The following MICA variants were observed in gnomAD, a reference collection of about 807,000 sequenced individuals.
MICA encodes HLA class I antigen.
MICA carries 18 observed loss-of-function variants against 34.3 expected under a neutral mutation model. The ratio of observed to expected loss-of-function variants is 0.52; its 90% CI spans 0.36 to 0.78. MICA has a LOEUF of 0.78. Ranked by LOEUF, MICA falls within the 30% of genes least tolerant of loss-of-function variation. MICA has a pLI of 0.00. For missense variants in MICA, 333 were observed against 409.4 expected, an observed-to-expected ratio of 0.81 and a Z score of 1.61; for synonymous variants, 135 against 156.9, an observed-to-expected ratio of 0.86 and a Z score of 1.04.
At chr6:31,402,905 A>G (rs1306863586), upstream of MICA, among the ~76,000 whole-genome samples, 1 of 151,748 alleles carries the variant, frequency 6.6e-6, no homozygotes, top group Non-Finnish European at 1.5e-5. Context: ...GTGATCACCC[A>G]GGGACTGAAT....
chr6:31,408,466 A>G (rs1770863489), intron 1 of MICA, among the ~76,000 whole-genome samples: 1 of 152,008 alleles, frequency 6.6e-6, no homozygotes, highest in Admixed American at 6.6e-5. Flanking sequence ...ATTATACATT[A>G]CATAAATTTT....
intron 1 of MICA, among the ~76,000 whole-genome samples, chr6:31,406,321 C>A (rs1275304366): frequency 2.0e-5 from 3 of 151,680 alleles, no homozygotes; most frequent in African/African-American, 7.3e-5. Context: ...TGTTGAGCAC[C>A]TTTTCATATA....
chr6:31,413,035 CAG>C (rs1357179154), intron 5 of MICA, among the ~76,000 whole-genome samples: 3 of 151,720 alleles, frequency 2.0e-5, no homozygotes, highest in Non-Finnish European at 4.4e-5. Flanking sequence ...CCCCTTGTAA[CAG>C]GGAGGGTCCT....
At chr6:31,407,005 A>T (rs1242829072) in intron 1 of MICA, among the ~76,000 whole-genome samples, 1 of 151,322 alleles carries the variant, frequency 6.6e-6, no homozygotes, top group Non-Finnish European at 1.5e-5. Flanking sequence ...AGTTTTGTTC[A>T]TTTTGCTCAG....
At position 31,403,741 on chromosome 6, in the gene MICA, C is replaced by G; in HGVS notation, c.70+39C>G. On this transcript the variant is annotated intron_variant, in intron 1 of 5. Transcript: ENST00000449934. This position sits in a 1 kb window ranked among gnomAD's most constrained non-coding sequence, Gnocchi z 4.7. The stretch of plus-strand genomic sequence containing the variant: ...CTGGCGGTCCTCGGCGGAGCGGGAG[C>G]AGTGGGACGTTTCCGGGGGTCGGGT... 1 of 1,517,496 alleles carries G rather than the reference C, an allele frequency of 6.6e-7. No individual in the cohort carries two copies. Among genetic ancestry groups the G allele is most frequent in the Non-Finnish European group, 8.8e-7 (1 of 1,134,394 alleles). The allele number at this position is 1,517,496 out of a possible 1,614,324, so 94.0% of individuals were successfully genotyped here. A position where few individuals can be genotyped will look rare whatever the true frequency, so the allele number is the denominator to read the frequency against.
chr6:31,402,264 A>T (rs1378045969), upstream of MICA: 2 of 152,000 alleles, frequency 1.3e-5, no homozygotes, highest in African/African-American at 4.9e-5. Flanking sequence ...GAAGATTTTA[A>T]GGATATGGTG....
Position 31,410,614 on chromosome 6 carries a change from G to A in MICA, c.142G>A (p.Glu48Lys). 1 of 1,613,604 alleles carries A rather than the reference G, an allele frequency of 6.2e-7. No homozygotes were observed. Among genetic ancestry groups the A allele is most frequent in the Non-Finnish European group, 8.5e-7 (1 of 1,180,024 alleles). Reference sequence around the variant, plus strand: ...ATCTGTGCAGTCAGGGTTTCTTGCTGAGGTACATCTGGATGGTCAGCCCTT... The same window carrying A: ...ATCTGTGCAGTCAGGGTTTCTTGCTAAGGTACATCTGGATGGTCAGCCCTT... ...DGSVQSGFLA[E>K]VHLDGQPFLR... Residue 48 changes from glutamate (E) to lysine (K), a missense_variant, in exon 2 of 6, where the codon GAG becomes AAG. Glu to Lys is a moderately conservative substitution (Grantham distance 56). Transcript: ENST00000449934.
upstream of MICA, among the ~76,000 whole-genome samples, chr6:31,401,468 A>G (rs1297038268): frequency 6.6e-6 from 1 of 151,764 alleles, no homozygotes; most frequent in African/African-American, 2.4e-5. Context: ...AAACGGACAC[A>G]TTTCCTGATC....
chr6:31,402,937 T>C (rs145959074), upstream of MICA, among the ~76,000 whole-genome samples: 641 of 151,706 alleles, frequency 4.2e-3, 17 homozygotes, highest in East Asian at 0.052. Flanking sequence ...CCTGGGAGAC[T>C]TCAGACACTT....
chr6:31,403,755 C>G lies in MICA; in HGVS notation c.70+53C>G. On this transcript the variant is annotated intron_variant, in intron 1 of 5. Coordinates refer to ENST00000449934, the MANE Select transcript of MICA (RefSeq NM_001177519.3). This position sits in a 1 kb window ranked among gnomAD's most constrained non-coding sequence, Gnocchi z 4.7. Reference sequence around the variant, plus strand: ...CGGAGCGGGAGCAGTGGGACGTTTCCGGGGGTCGGGTGGGTAGCGGCGAGC... The same window carrying G: ...CGGAGCGGGAGCAGTGGGACGTTTCGGGGGGTCGGGTGGGTAGCGGCGAGC... 1 of 1,484,112 alleles carries G rather than the reference C, an allele frequency of 6.7e-7. No individual in the cohort carries two copies. Among genetic ancestry groups the G allele is most frequent in the Non-Finnish European group, 9.0e-7 (1 of 1,109,852 alleles). The allele number at this position is 1,484,112 out of a possible 1,614,324, so 91.9% of individuals were successfully genotyped here.
intron 1 of MICA, among the ~76,000 whole-genome samples, chr6:31,405,961 T>C (rs1205639318): frequency 1.3e-5 from 2 of 151,942 alleles, no homozygotes; most frequent in East Asian, 1.9e-4. Flanking sequence ...ACACTTAGAT[T>C]GCTTGCAGAT....
intron 1 of MICA, among the ~76,000 whole-genome samples, chr6:31,407,213 C>T (rs1450557140): frequency 6.6e-6 from 1 of 151,722 alleles, no homozygotes; most frequent in Non-Finnish European, 1.5e-5. Context: ...TTTTTTGTGT[C>T]CTTCAATTTT....
At chr6:31,401,255 G>A (rs185907519), upstream of MICA, among the ~76,000 whole-genome samples, 160 of 151,736 alleles carry the variant, frequency 1.1e-3, 3 homozygotes, top group African/African-American at 3.4e-3. Context: ...AAAGGACCCC[G>A]GTCCCTGCTG....
Position 31,411,304 on chromosome 6 carries a change from C to T in MICA, c.558C>T (p.Asp186=). The T allele has an allele frequency of 6.2e-7, 1 of 1,604,378 alleles. No homozygotes were observed. The highest frequency in any genetic ancestry group is 8.5e-7 in the Non-Finnish European group (1 of 1,176,094). The change falls in exon 3 of 6, where the codon GAC becomes GAT. Residue 186 remains aspartate, a synonymous_variant. Transcript: ENST00000449934. The surrounding 1 kb of genome is among the most constrained non-coding windows in gnomAD (Gnocchi z 4.3). ...CACACTATCACGCTATGCATGCAGA[C>T]TGCCTGCAGGAACTACGGCGATATC... ...TKTHYHAMHA[D]CLQELRRYLE... is the part of the protein sequence containing the mutation.
intron 1 of MICA, among the ~76,000 whole-genome samples, chr6:31,404,100 C>A (rs1770612241): frequency 6.6e-6 from 1 of 151,778 alleles, no homozygotes; most frequent in South Asian, 2.1e-4. Context: ...CTCGGGGCGG[C>A]TCTCAGGTCC....
rs530491483 is a variant in MICA at position 31,408,800 on chromosome 6, T to G, written c.71-1743T>G. 1.3e-4 allele frequency among the ~76,000 whole-genome samples: 20 copies of G among 149,374 alleles called. 1 individual carries two copies. In the South Asian group the frequency reaches 3.8e-3, roughly 29 times the overall value. On this transcript the variant is annotated intron_variant, in intron 1 of 5. Coordinates refer to ENST00000449934, the MANE Select transcript of MICA (RefSeq NM_001177519.3). ...AGGTGGATCACCTGAGTTTCGGAGTTCGAAACCAGCCTGGCCAACATGGTG... is the reference window on the plus strand; with the variant it reads ...AGGTGGATCACCTGAGTTTCGGAGTGCGAAACCAGCCTGGCCAACATGGTG...
In MICA at chr6:31,410,807, G is replaced by T; in HGVS notation, c.325+10G>T. 3 of 1,554,624 alleles carry T rather than the reference G, an allele frequency of 1.9e-6. No individual in the cohort carries two copies. The highest frequency in any genetic ancestry group is 2.6e-6 in the Non-Finnish European group (3 of 1,148,856). ...AAGGACCAGAAAGAAGGTGAGAGTC[G>T]GCAGGGGCAAGAGTGACTGGAGAGG... On this transcript the variant is annotated intron_variant, in intron 2 of 5. Transcript: ENST00000449934.
chr6:31,407,348 T>C (rs1334638522), intron 1 of MICA, among the ~76,000 whole-genome samples: 1 of 151,954 alleles, frequency 6.6e-6, no homozygotes, highest in African/African-American at 2.4e-5. Flanking sequence ...GCTATTCTTC[T>C]GCCTCAGCCT....
intron 5 of MICA, among the ~76,000 whole-genome samples, chr6:31,414,361 GT>G (rs1290834406): frequency 6.6e-6 from 1 of 152,058 alleles, no homozygotes; most frequent in African/African-American, 2.4e-5. Flanking sequence ...AGGAGTAGCG[GT>G]TACTCAAGAG....
Sources: gnomAD v4.1 joint callset for allele counts (sites outside exome capture counted in the v4.1 genomes callset) on GRCh38, gnomAD v4.1.1 for gene constraint, Gnocchi (gnomAD v3.1) non-coding constraint, MANE v1.5 for transcripts, NCBI Gene and HGNC (gene_info 2026-07-23, HGNC 2026-07-21) for gene names.